Variants in RORA observed in about 807,000 individuals in gnomAD.
RORA encodes nuclear receptor ROR-alpha.
In RORA, 7 loss-of-function variants were observed where a neutral mutation model predicts 69.5. The observed-to-expected ratio is 0.10, with a 90% CI of 0.06 to 0.19. RORA has a LOEUF of 0.19. RORA is among the 10% of genes least tolerant of loss of function. RORA has a pLI of 1.00. For missense variants in RORA, 457 were observed against 663.0 expected, an observed-to-expected ratio of 0.69 and a Z score of 3.41; for synonymous variants, 261 against 240.8, an observed-to-expected ratio of 1.08 and a Z score of -0.78.
chr15:61,174,254 CT>C (rs937002503), intron 1 of RORA, among the ~76,000 whole-genome samples: 76 of 152,328 alleles, frequency 5.0e-4, no homozygotes, highest in African/African-American at 1.7e-3. Context: ...CACGTCCCCC[CT>C]GCCCCCACAC....
intron 1 of RORA, among the ~76,000 whole-genome samples, chr15:61,046,643 T>G (rs1027083863): frequency 6.6e-6 from 1 of 152,180 alleles, no homozygotes; most frequent in African/African-American, 2.4e-5. Flanking sequence ...TGCTTAATAT[T>G]TTTTAAGCAA....
chr15:61,208,119 G>C (rs895376627), intron 1 of RORA, among the ~76,000 whole-genome samples: 2 of 152,204 alleles, frequency 1.3e-5, no homozygotes, highest in African/African-American at 2.4e-5. Flanking sequence ...CAAGAGGAGG[G>C]GAAGCGCTCC....
chr15:61,147,036 C>A lies in RORA; in HGVS notation c.166+82017G>T, dbSNP rs999928285. ...ATGGTGGGGGGCAGTCACGGGGGAA[C>A]TAAATGGATTCCATTTCCTCTGCCA... On this transcript the variant is annotated intron_variant, in intron 1 of 10. Coordinates refer to ENST00000335670, the MANE Select transcript of RORA (RefSeq NM_134261.3). The surrounding 1 kb of genome is among the most constrained non-coding windows in gnomAD (Gnocchi z 4.1). Among the ~76,000 whole-genome samples the A allele has an allele frequency of 2.4e-4, 36 of 151,992 alleles. No individual in the cohort carries two copies. The highest frequency in any genetic ancestry group is 8.2e-4 in the African/African-American group (34 of 41,368).
chr15:60,834,531 G>A (rs1160780021), intron 1 of RORA, among the ~76,000 whole-genome samples: 2 of 152,174 alleles, frequency 1.3e-5, no homozygotes, highest in African/African-American at 4.8e-5. Context: ...GTGCTCTCTA[G>A]TTTGGCAGAT....
chr15:61,032,135 G>A (rs942624276), intron 1 of RORA, among the ~76,000 whole-genome samples: 52 of 152,188 alleles, frequency 3.4e-4, no homozygotes, highest in African/African-American at 1.3e-3. Flanking sequence ...TAATTGACTG[G>A]CTAGCAAAAT....
intron 1 of RORA, among the ~76,000 whole-genome samples, chr15:61,145,072 CTAT>C (rs2079334883): frequency 6.6e-6 from 1 of 152,112 alleles, no homozygotes; most frequent in African/African-American, 2.4e-5. Flanking sequence ...TTCCATACTA[CTAT>C]ATCTAAAATA....
chr15:61,224,376 C>G (rs17303593), intron 1 of RORA, among the ~76,000 whole-genome samples: 26 of 152,210 alleles, frequency 1.7e-4, no homozygotes, highest in Non-Finnish European at 8.8e-5. Flanking sequence ...CATTACAGCT[C>G]TTTCCCCAGA....
At chr15:61,167,482 A>ATTTTTTTTTTTTTT (rs199752865) in intron 1 of RORA, among the ~76,000 whole-genome samples, 8 of 133,688 alleles carry the variant, frequency 6.0e-5, no homozygotes, top group African/African-American at 1.7e-4. Flanking sequence ...TTTGACCAGG[A>ATTTTTTTTTTTTTT]TTTTTTTTTT....
intron 1 of RORA, among the ~76,000 whole-genome samples, chr15:61,089,558 AC>A (rs758557152): frequency 3.2e-4 from 48 of 152,214 alleles, no homozygotes; most frequent in Admixed American, 9.2e-4. Context: ...GCTTGAATAC[AC>A]AGGCCATCCT....
intron 1 of RORA, among the ~76,000 whole-genome samples, chr15:60,986,460 T>G (rs565043897): frequency 1.3e-5 from 2 of 152,328 alleles, no homozygotes; most frequent in East Asian, 3.9e-4. Flanking sequence ...TCCTGAACAA[T>G]TTGAGGCCAC....
intron 1 of RORA, among the ~76,000 whole-genome samples, chr15:61,115,010 C>T (rs1018784504): frequency 6.6e-6 from 1 of 152,204 alleles, no homozygotes; most frequent in Non-Finnish European, 1.5e-5. Flanking sequence ...GAAGCAACTA[C>T]ATTTATGTGA....
At chr15:60,628,826 C>T (rs72748764) in intron 2 of RORA, among the ~76,000 whole-genome samples, 22,435 of 152,036 alleles carry the variant, frequency 0.15, 1,858 homozygotes, top group Middle Eastern at 0.27. Flanking sequence ...TAAGGAGAAC[C>T]CAGAGAATGA....
chr15:61,096,356 C>A (rs1421510659), intron 1 of RORA, among the ~76,000 whole-genome samples: 2 of 152,126 alleles, frequency 1.3e-5, no homozygotes, highest in African/African-American at 4.8e-5. Flanking sequence ...ACATTTTGTT[C>A]CTTCCCAGAG....
chr15:60,853,902 A>C (rs1296044254), intron 1 of RORA, among the ~76,000 whole-genome samples: 1 of 152,226 alleles, frequency 6.6e-6, no homozygotes, highest in African/African-American at 2.4e-5. Context: ...TAATGACTTT[A>C]ATACCTACTG....
intron 1 of RORA, among the ~76,000 whole-genome samples, chr15:61,004,768 G>C (rs1050094559): frequency 6.6e-6 from 1 of 152,060 alleles, no homozygotes; most frequent in Non-Finnish European, 1.5e-5. Context: ...CGTTGCCACG[G>C]TTAGATTTTT....
rs71122860 is a variant in RORA, at chr15:60,493,949, T to TCACACACACA, written c.*3496_*3505dup. The TCACACACACA allele has an allele frequency of 0.039, 5,650 of 143,934 alleles. 128 individuals carry two copies. The highest frequency in any genetic ancestry group is 0.098 in the Middle Eastern group (28 of 286). 8.9% of individuals were successfully genotyped at this position (143,934 alleles called of 1,614,324 possible). On this transcript the variant is annotated 3_prime_UTR_variant, in exon 11 of 11. Coordinates refer to ENST00000335670, the MANE Select transcript of RORA (RefSeq NM_134261.3). Reference sequence around the variant, plus strand: ...CGCACACACATCATACACATGCAAATCACACACACACACACACACACACAC... The same window carrying TCACACACACA: ...CGCACACACATCATACACATGCAAATCACACACACACACACACACACACACACACACACAC...
chr15:60,767,005 G>T (rs947471392), intron 1 of RORA, among the ~76,000 whole-genome samples: 4 of 152,190 alleles, frequency 2.6e-5, no homozygotes, highest in Non-Finnish European at 4.4e-5. Flanking sequence ...CCCACAGGTT[G>T]TGTATGGCCC....
At chr15:61,103,063 C>T (rs185867638) in intron 1 of RORA, among the ~76,000 whole-genome samples, 1 of 152,330 alleles carries the variant, frequency 6.6e-6, no homozygotes, top group Admixed American at 6.5e-5. Context: ...TATTCAGACA[C>T]GTTCCTATCT....
intron 1 of RORA, among the ~76,000 whole-genome samples, chr15:61,004,240 G>A (rs1894837610): frequency 6.6e-6 from 1 of 151,694 alleles, no homozygotes; most frequent in African/African-American, 2.4e-5. Context: ...GGAGTAGAAA[G>A]AAATGGGGAG....
Sources: gnomAD v4.1 joint callset for allele counts (sites outside exome capture counted in the v4.1 genomes callset) on GRCh38, gnomAD v4.1.1 for gene constraint, Gnocchi (gnomAD v3.1) non-coding constraint, MANE v1.5 for transcripts, NCBI Gene and HGNC (gene_info 2026-07-23, HGNC 2026-07-21) for gene names.